Variants in UBE2W observed in about 807,000 individuals in gnomAD.
UBE2W encodes the protein ubiquitin-conjugating enzyme E2 W.
Under a neutral mutation model 27.2 loss-of-function variants are expected in UBE2W, and 18 were observed. That is an observed-to-expected ratio of 0.66 (90% CI 0.46 to 0.98). UBE2W has a LOEUF of 0.98. Among genes scored for constraint, UBE2W ranks in the 50% least tolerant of loss-of-function variants. The probability of loss-of-function intolerance (pLI) is 0.00; values close to 1 mark genes in which losing one functional copy is unlikely to be tolerated. For synonymous variants in UBE2W, 53 were observed against 57.2 expected (o/e 0.93, Z 0.33); for missense variants, 90 against 180.2 (o/e 0.50, Z 2.87).
chr8:73,822,631 A>AT (rs1563593351), intron 3 of UBE2W, among the ~76,000 whole-genome samples: 3 of 141,694 alleles, frequency 2.1e-5, no homozygotes, highest in African/African-American at 2.7e-5. Context: ...AAAAAAAAAA[A>AT]AAATTAGCTG....
chr8:73,836,605 G>T (rs572355612), intron 1 of UBE2W, among the ~76,000 whole-genome samples: 1 of 152,216 alleles, frequency 6.6e-6, no homozygotes, highest in African/African-American at 2.4e-5. Flanking sequence ...AGAGCTGCAT[G>T]TAAAGATAAA....
downstream of UBE2W, among the ~76,000 whole-genome samples, chr8:73,785,664 T>C (rs1233263157): frequency 6.6e-6 from 1 of 152,094 alleles, no homozygotes; most frequent in Non-Finnish European, 1.5e-5. Context: ...TGATCTTAGT[T>C]CACTGCAACC....
chr8:73,795,310 G>A (rs914399653), intron 5 of UBE2W, among the ~76,000 whole-genome samples: 1 of 152,148 alleles, frequency 6.6e-6, no homozygotes, highest in African/African-American at 2.4e-5. Flanking sequence ...TGCCCTCCTT[G>A]CAGTCATTAG....
intron 1 of UBE2W, among the ~76,000 whole-genome samples, chr8:73,845,065 G>A (rs1481055706): frequency 2.9e-4 from 41 of 143,852 alleles, no homozygotes; most frequent in Non-Finnish European, 4.4e-4. Context: ...GCCAGCCCCC[G>A]CCCGGCCAGC....
Position 73,790,228 on chromosome 8 carries a change from C to T in UBE2W, c.*3874G>A, listed in dbSNP as rs979481448. The T allele has an allele frequency of 4.5e-5, 44 of 983,998 alleles. No individual in the cohort carries two copies. The highest frequency in any genetic ancestry group is 1.1e-4 in the East Asian group (1 of 8,804). The allele number at this position is 983,998 out of a possible 1,614,324, so 61.0% of individuals were successfully genotyped here. ...AATTAGAAGTGAGAAAAGGAAACTG[C>T]GGAAGACTGACACATTGGACATCAG... On this transcript the variant is annotated 3_prime_UTR_variant, in exon 6 of 6. Coordinates refer to ENST00000602593, the MANE Select transcript of UBE2W (RefSeq NM_018299.6).
At chr8:73,870,125 G>T in intron 1 of UBE2W, 2 of 843,568 alleles carry the variant, frequency 2.4e-6, no homozygotes, top group Non-Finnish European at 3.8e-6. Context: ...ACTTTAAAAG[G>T]GTAAGTTTTA....
chr8:73,831,233 A>G, intron 1 of UBE2W: 1 of 344,174 alleles, frequency 2.9e-6, no homozygotes, highest in Non-Finnish European at 5.5e-6. Context: ...AAGGCATGAA[A>G]AGATTAAGGA....
chr8:73,786,168 T>C (rs1372178063), downstream of UBE2W: 1 of 953,630 alleles, frequency 1.0e-6, no homozygotes, highest in Non-Finnish European at 1.2e-6. Context: ...ACAAGCAATT[T>C]GCCTCAGAGA....
intron 1 of UBE2W, chr8:73,870,376 C>T: frequency 7.3e-7 from 1 of 1,376,690 alleles, no homozygotes. Context: ...ATAGCTAGTG[C>T]AGGGACTAGA....
chr8:73,788,171 A>G lies in UBE2W; in HGVS notation c.*5931T>C, dbSNP rs16938725. 11,452 of 972,998 alleles carry G rather than the reference A, an allele frequency of 0.012. 951 individuals are homozygous for G. The African/African-American group carries it at 0.18, about 15-fold the overall frequency. The allele number at this position is 972,998 out of a possible 1,614,324, so 60.3% of individuals were successfully genotyped here. A position where few individuals can be genotyped will look rare whatever the true frequency, so the allele number is the denominator to read the frequency against. ...ATTATTAAAAGTTATGAAATTCCAT[A>G]AAGCAAAGTAATCTGCATTCAACTA... On this transcript the variant is annotated 3_prime_UTR_variant, in exon 6 of 6. Coordinates refer to ENST00000602593, the MANE Select transcript of UBE2W (RefSeq NM_018299.6).
chr8:73,857,455 CAAGTATGTAA>C (rs1242307460), intron 1 of UBE2W, among the ~76,000 whole-genome samples: 1 of 75,572 alleles, frequency 1.3e-5, no homozygotes, highest in African/African-American at 2.9e-5. Context: ...TAAAAGATTG[CAAGTATGTAA>C]GAGTATGTAA....
intron 5 of UBE2W, among the ~76,000 whole-genome samples, chr8:73,800,353 C>T (rs745495844): frequency 2.0e-5 from 3 of 151,904 alleles, no homozygotes; most frequent in Non-Finnish European, 4.4e-5. Context: ...TTCAAACATT[C>T]AGCATTCAAG....
chr8:73,830,697 C>G (rs1239888182), intron 1 of UBE2W, among the ~76,000 whole-genome samples: 1 of 151,984 alleles, frequency 6.6e-6, no homozygotes, highest in Non-Finnish European at 1.5e-5. Flanking sequence ...GTTGCTCAGG[C>G]TGGTAGTGAA....
chr8:73,799,426 T>C (rs1163837010), intron 5 of UBE2W, among the ~76,000 whole-genome samples: 1 of 152,172 alleles, frequency 6.6e-6, no homozygotes, highest in Non-Finnish European at 1.5e-5. Flanking sequence ...AGCCCTTGTG[T>C]CTTCTTCCAA....
intron 5 of UBE2W, among the ~76,000 whole-genome samples, chr8:73,803,853 G>A (rs1157390524): frequency 3.3e-5 from 5 of 150,012 alleles, no homozygotes; most frequent in Non-Finnish European, 7.4e-5. Flanking sequence ...TATGAGCTCC[G>A]CCTCCTGGGT....
intron 5 of UBE2W, among the ~76,000 whole-genome samples, chr8:73,804,346 CAG>C (rs1491525019): frequency 3.4e-5 from 5 of 149,054 alleles, no homozygotes; most frequent in African/African-American, 1.0e-4. Context: ...ACAAAAATCA[CAG>C]GGGATGGTTT....
At chr8:73,874,416 C>T (rs1209363944) in intron 1 of UBE2W, among the ~76,000 whole-genome samples, 15 of 151,470 alleles carry the variant, frequency 9.9e-5, no homozygotes, top group Admixed American at 2.6e-4. Context: ...TGGGCGACAG[C>T]GAGACTCTGT....
intron 2 of UBE2W, among the ~76,000 whole-genome samples, chr8:73,826,124 G>T (rs1160568087): frequency 6.6e-6 from 1 of 152,136 alleles, no homozygotes; most frequent in African/African-American, 2.4e-5. Flanking sequence ...AGGCTTTGTG[G>T]TGACTTTCCT....
chr8:73,821,036 T>C (rs976714489), intron 3 of UBE2W, among the ~76,000 whole-genome samples: 1 of 152,178 alleles, frequency 6.6e-6, no homozygotes, highest in African/African-American at 2.4e-5. Flanking sequence ...CTTTCAAAGG[T>C]ACCATTCATT....
Sources: allele counts gnomAD v4.1 joint callset (sites outside exome capture counted in the v4.1 genomes callset), GRCh38; gene constraint gnomAD v4.1.1; transcripts MANE v1.5; gene names NCBI Gene and HGNC (gene_info 2026-07-23, HGNC 2026-07-21).